Variants in ATE1 observed in about 807,000 individuals in gnomAD.
ATE1 encodes arginyltransferase 1, also known as arginyl-tRNA--protein transferase 1.
Under a neutral mutation model 70.5 loss-of-function variants are expected in ATE1, and 36 were observed. The ratio of observed to expected loss-of-function variants is 0.51; its 90% CI spans 0.39 to 0.67. ATE1 has a LOEUF of 0.67. ATE1 is among the 30% of genes least tolerant of loss of function. ATE1 has a pLI of 0.00. For synonymous variants in ATE1, 232 were observed against 219.3 expected (o/e 1.06, Z -0.51); for missense variants, 593 against 629.5 (o/e 0.94, Z 0.62).
chr10:121,881,863 G>A (rs181411190), intron 7 of ATE1, among the ~76,000 whole-genome samples: 192 of 152,078 alleles, frequency 1.3e-3, no homozygotes, highest in African/African-American at 4.3e-3. Flanking sequence ...GCACGACCTC[G>A]GCTCACTGCA....
At chr10:121,868,535 T>C (rs1949739098) in intron 8 of ATE1, among the ~76,000 whole-genome samples, 1 of 152,216 alleles carries the variant, frequency 6.6e-6, no homozygotes, top group Admixed American at 6.5e-5. Flanking sequence ...GGTTTTCACT[T>C]CACACCTAAC....
chr10:121,764,753 A>C (rs1945205397), intron 11 of ATE1, among the ~76,000 whole-genome samples: 1 of 152,164 alleles, frequency 6.6e-6, no homozygotes, highest in Non-Finnish European at 1.5e-5. Context: ...ACCTGTGCAG[A>C]GTGAGGAGCA....
chr10:121,908,332 C>T (rs1300075493), intron 5 of ATE1, among the ~76,000 whole-genome samples: 2 of 152,076 alleles, frequency 1.3e-5, no homozygotes, highest in Non-Finnish European at 1.5e-5. Flanking sequence ...GGCTAAACCC[C>T]GTCTCTACTA....
intron 8 of ATE1, among the ~76,000 whole-genome samples, chr10:121,858,614 A>T (rs1590527057): frequency 6.8e-6 from 1 of 146,010 alleles, no homozygotes; most frequent in African/African-American, 2.5e-5. Context: ...AAGTTTACCT[A>T]CTTTTCCTTA....
At chr10:121,839,661 A>C (rs1014675863) in intron 9 of ATE1, among the ~76,000 whole-genome samples, 3 of 152,184 alleles carry the variant, frequency 2.0e-5, no homozygotes, top group East Asian at 3.8e-4. Flanking sequence ...GATTAAATAC[A>C]TAAGAATAAA....
chr10:121,913,917 A>T (rs773098055), intron 3 of ATE1, 24 bp from the exon 4 acceptor site: 13 of 1,567,666 alleles, frequency 8.3e-6, no homozygotes, highest in African/African-American at 4.1e-5. Context: ...ATAAATATTT[A>T]AAAAGTGAAC....
chr10:121,778,469 GA>G (rs768271154), intron 11 of ATE1, among the ~76,000 whole-genome samples: 6 of 150,002 alleles, frequency 4.0e-5, no homozygotes, highest in Non-Finnish European at 8.9e-5. Flanking sequence ...GGCAGCATTA[GA>G]ACCATTTGGT....
intron 11 of ATE1, among the ~76,000 whole-genome samples, chr10:121,762,526 C>G (rs1282289276): frequency 6.6e-6 from 1 of 152,182 alleles, no homozygotes; most frequent in Non-Finnish European, 1.5e-5. Flanking sequence ...CCACCCCCAC[C>G]CCTGTGTCTG....
chr10:121,890,694 G>GACA (rs1204895938), intron 7 of ATE1, among the ~76,000 whole-genome samples: 2 of 152,128 alleles, frequency 1.3e-5, no homozygotes, highest in Non-Finnish European at 2.9e-5. Flanking sequence ...CATATTATTA[G>GACA]ACAACAGTAT....
chr10:121,748,211 C>A (rs890628281), intron 11 of ATE1, among the ~76,000 whole-genome samples: 4 of 152,198 alleles, frequency 2.6e-5, no homozygotes, highest in East Asian at 1.9e-4. Context: ...AAATGAAACA[C>A]CCTAGCAAAT....
At chr10:121,849,683 A>C (rs1948980205) in intron 8 of ATE1, among the ~76,000 whole-genome samples, 1 of 152,232 alleles carries the variant, frequency 6.6e-6, no homozygotes, top group Admixed American at 6.5e-5. Context: ...ACTCTTGGTT[A>C]ATAATGATCT....
chr10:121,832,261 C>T (rs1005050538), intron 10 of ATE1, among the ~76,000 whole-genome samples: 1 of 152,214 alleles, frequency 6.6e-6, no homozygotes, highest in Admixed American at 6.5e-5. Context: ...ATGGAGCAAA[C>T]TAACCATTTT....
chr10:121,815,067 T>C (rs1162289510), intron 10 of ATE1, among the ~76,000 whole-genome samples: 1 of 152,224 alleles, frequency 6.6e-6, no homozygotes, highest in Non-Finnish European at 1.5e-5. Context: ...AACAATGATT[T>C]ACATATACTA....
rs1261872641 is a variant in ATE1 at position 121,902,402 on chromosome 10, G to A, written c.802C>T (p.His268Tyr). The change falls in exon 6 of 12, where the codon CAC becomes TAC. Residue 268 changes from histidine to tyrosine, a missense_variant. This residue lies in a region of ATE1 where 467 missense variants were observed against 469.6 expected (regional missense o/e 0.99). Transcript: ENST00000224652. The part of the protein sequence containing the change: ...IFESLPENAS[H>Y]KLEVRVVRSS... ...GTCCTCCAAAGTACCTCTAACTTGTGTGATGCATTCTCTGGTAAAGACTCA... is the reference window on the plus strand; with the variant it reads ...GTCCTCCAAAGTACCTCTAACTTGTATGATGCATTCTCTGGTAAAGACTCA... The A allele has an allele frequency of 6.2e-7, 1 of 1,613,794 alleles. No individual in the cohort carries two copies. Among genetic ancestry groups the A allele is most frequent in the Non-Finnish European group, 8.5e-7 (1 of 1,179,730 alleles).
chr10:121,875,015 C>CTGTGGCGGGCGCCT (rs1554919077), intron 7 of ATE1, among the ~76,000 whole-genome samples: 1 of 146,284 alleles, frequency 6.8e-6, no homozygotes, highest in Non-Finnish European at 1.5e-5. Context: ...TAGCCGGGCA[C>CTGTGGCGGGCGCCT]GTAGTCCCAG....
chr10:121,827,583 G>T (rs1590407587), intron 10 of ATE1, among the ~76,000 whole-genome samples: 1 of 152,178 alleles, frequency 6.6e-6, no homozygotes, highest in African/African-American at 2.4e-5. Flanking sequence ...AACTGATACT[G>T]AGCTACACTA....
chr10:121,801,258 G>A (rs568586502), intron 10 of ATE1, among the ~76,000 whole-genome samples: 12 of 152,218 alleles, frequency 7.9e-5, no homozygotes, highest in African/African-American at 2.6e-4. Flanking sequence ...AAATCCAAGC[G>A]TTCTCAAAGG....
intron 7 of ATE1, among the ~76,000 whole-genome samples, chr10:121,882,521 G>C (rs1284517467): frequency 1.3e-5 from 2 of 152,234 alleles, no homozygotes; most frequent in African/African-American, 2.4e-5. Flanking sequence ...GGAGTGAAGA[G>C]AGCTGAGCAA....
chr10:121,854,952 C>G (rs538306021), intron 8 of ATE1, among the ~76,000 whole-genome samples: 61 of 152,194 alleles, frequency 4.0e-4, no homozygotes, highest in Middle Eastern at 3.4e-3. Flanking sequence ...TGGACCTTAC[C>G]CAAAACAAAC....
Sources: allele counts gnomAD v4.1 joint callset (sites outside exome capture counted in the v4.1 genomes callset), GRCh38; gene constraint gnomAD v4.1.1; regional missense constraint gnomAD v4.1.1; transcripts MANE v1.5; gene names NCBI Gene and HGNC (gene_info 2026-07-23, HGNC 2026-07-21).